FHOD3: variants seen among roughly 807,000 people sequenced by gnomAD.
FHOD3 encodes the protein FH1/FH2 domain-containing protein 3.
Under a neutral mutation model 173.0 loss-of-function variants are expected in FHOD3, and 90 were observed. The observed-to-expected ratio is 0.52, with a 90% confidence interval of 0.44 to 0.62. FHOD3 has a LOEUF of 0.62. Among genes scored for constraint, FHOD3 ranks in the 20% least tolerant of loss-of-function variants. FHOD3 has a pLI of 0.00. For missense variants in FHOD3, 1,945 were observed against 2,034.7 expected, an observed-to-expected ratio of 0.96 and a Z score of 0.85; for synonymous variants, 828 against 823.0, an observed-to-expected ratio of 1.01 and a Z score of -0.10.
chr18:36,338,242 T>C (rs973370824), intron 1 of FHOD3, among the ~76,000 whole-genome samples: 3 of 152,186 alleles, frequency 2.0e-5, no homozygotes, highest in Admixed American at 6.5e-5. Context: ...GGTCCAGATA[T>C]GTAGCAGAAA....
intron 20 of FHOD3, among the ~76,000 whole-genome samples, chr18:36,734,107 T>C (rs1357299160): frequency 6.6e-6 from 1 of 152,170 alleles, no homozygotes; most frequent in Non-Finnish European, 1.5e-5. Flanking sequence ...CAGGAGTAGC[T>C]GACTTACAGA....
At chr18:36,532,893 G>A (rs1485270500) in intron 5 of FHOD3, among the ~76,000 whole-genome samples, 2 of 152,244 alleles carry the variant, frequency 1.3e-5, no homozygotes, top group African/African-American at 4.8e-5. Flanking sequence ...GTCTCGTTGT[G>A]TCATTCAAGG....
chr18:36,610,538 A>G (rs2032565958), intron 8 of FHOD3, among the ~76,000 whole-genome samples: 1 of 152,162 alleles, frequency 6.6e-6, no homozygotes, highest in African/African-American at 2.4e-5. Context: ...TTGTGTCCTT[A>G]TCGGGGCCTT....
chr18:36,397,638 A>C (rs2048616139), intron 3 of FHOD3, among the ~76,000 whole-genome samples: 1 of 152,178 alleles, frequency 6.6e-6, no homozygotes, highest in Non-Finnish European at 1.5e-5. Context: ...TCCTGTCTTT[A>C]TTGGTGATTT....
chr18:36,763,420 AAT>A (rs1378853170), intron 27 of FHOD3, among the ~76,000 whole-genome samples: 1 of 147,990 alleles, frequency 6.8e-6, no homozygotes, highest in African/African-American at 2.5e-5. Context: ...CGTTATATAT[AAT>A]ATGCGTATTA....
At chr18:36,682,218 G>T (rs2038296773) in intron 15 of FHOD3, among the ~76,000 whole-genome samples, 1 of 152,048 alleles carries the variant, frequency 6.6e-6, no homozygotes, top group South Asian at 2.1e-4. Context: ...ACATTCTCCA[G>T]GTCATCCTCC....
At position 36,450,999 on chromosome 18, in the gene FHOD3, T is replaced by C. The variant is rs143274870; in HGVS notation, c.338-50933T>C. 7.2e-4 allele frequency among the ~76,000 whole-genome samples: 109 copies of C among 152,370 alleles called. No individual in the cohort carries two copies. The East Asian group carries it at 0.021, about 29-fold the overall frequency. ...CAGAATAATTGGTAATCATGTCTGTTCGTTATTTATTCCTACTACAGTAGT... is the reference window on the plus strand; with the variant it reads ...CAGAATAATTGGTAATCATGTCTGTCCGTTATTTATTCCTACTACAGTAGT... On this transcript the variant is annotated intron_variant, in intron 3 of 28. Coordinates refer to ENST00000590592, the MANE Select transcript of FHOD3 (RefSeq NM_001281740.3).
At chr18:36,658,262 A>C in intron 14 of FHOD3, 74 bp downstream of exon 14, 1 of 988,532 alleles carries the variant, frequency 1.0e-6, no homozygotes, top group Non-Finnish European at 1.5e-6. Context: ...GTGTGGTTAA[A>C]GGAAAAATAT....
At position 36,718,065 on chromosome 18, in the gene FHOD3, G is replaced by A; in HGVS notation, c.2767G>A (p.Val923Ile). 6.3e-7 allele frequency: 1 copy of A among 1,599,508 alleles called. No homozygotes were observed. Among genetic ancestry groups the A allele is most frequent in the Non-Finnish European group, 8.5e-7 (1 of 1,172,076 alleles). Residue 923 changes from valine to isoleucine, a missense_variant, in exon 19 of 29, where the codon GTC becomes ATC. Around this residue, in one of 5 missense-constraint regions of FHOD3, gnomAD observed 1,099 missense variants for 1,051.2 expected, o/e 1.05. Coordinates refer to ENST00000590592, the MANE Select transcript of FHOD3 (RefSeq NM_001281740.3). ...QANSQTQDES[V>I]RRVDVGCLDN... ...CAACTCTCAGACCCAGGATGAGAGTGTCAGGAGGGTGGATGTCGGCTGTTT... is the reference window on the plus strand; with the variant it reads ...CAACTCTCAGACCCAGGATGAGAGTATCAGGAGGGTGGATGTCGGCTGTTT...
Position 36,775,974 on chromosome 18 carries a change from T to C in FHOD3, c.4787-3474T>C, listed in dbSNP as rs143321162. Among the ~76,000 whole-genome samples the C allele has an allele frequency of 8.0e-3, 1,215 of 152,284 alleles. 14 individuals carry two copies. Among genetic ancestry groups the C allele is most frequent in the Non-Finnish European group, 0.014 (920 of 68,024 alleles). ...GGGAAAGGCTGGAGAGCAGCTTTGA[T>C]TCAGCTGGAGCATTTGAGTGGGAAG... On this transcript the variant is annotated intron_variant, in intron 28 of 28. Transcript: ENST00000590592.
chr18:36,668,800 T>G (rs896462582), intron 14 of FHOD3, among the ~76,000 whole-genome samples: 7 of 152,100 alleles, frequency 4.6e-5, no homozygotes, highest in Non-Finnish European at 1.0e-4. Flanking sequence ...CCAACTATCT[T>G]TCTGTTACTG....
At chr18:36,594,143 A>G (rs1232187435) in intron 6 of FHOD3, among the ~76,000 whole-genome samples, 3 of 152,076 alleles carry the variant, frequency 2.0e-5, no homozygotes, top group Non-Finnish European at 2.9e-5. Flanking sequence ...GTAGGTGAAT[A>G]ACCTGTGACC....
chr18:36,356,678 C>T (rs2046376521), intron 2 of FHOD3, among the ~76,000 whole-genome samples: 1 of 152,026 alleles, frequency 6.6e-6, no homozygotes, highest in Non-Finnish European at 1.5e-5. Context: ...CTCTGTCACC[C>T]AGGCTGGAGT....
chr18:36,694,293 A>G (rs1328433921), intron 17 of FHOD3, among the ~76,000 whole-genome samples: 1 of 152,226 alleles, frequency 6.6e-6, no homozygotes. Flanking sequence ...ATAAAGTTTA[A>G]TTTAAACAAG....
At chr18:36,582,968 G>A (rs1034634337) in intron 6 of FHOD3, among the ~76,000 whole-genome samples, 2 of 152,146 alleles carry the variant, frequency 1.3e-5, no homozygotes, top group Non-Finnish European at 2.9e-5. Flanking sequence ...TTGATTGTGG[G>A]CCAGAGTTCC....
Position 36,612,108 on chromosome 18 carries a change from G to C in FHOD3, c.957+13G>C. Reference sequence around the variant, plus strand: ...CAACATTTATGAGGTACCAGACCATGCCTTTTGTAAGGTATCGTACAGCTT... The same window carrying C: ...CAACATTTATGAGGTACCAGACCATCCCTTTTGTAAGGTATCGTACAGCTT... On this transcript the variant is annotated intron_variant, in intron 9 of 28. Coordinates refer to ENST00000590592, the MANE Select transcript of FHOD3 (RefSeq NM_001281740.3). The C allele has an allele frequency of 6.2e-7, 1 of 1,611,670 alleles. No homozygotes were observed. Among genetic ancestry groups the C allele is most frequent in the Non-Finnish European group, 8.5e-7 (1 of 1,179,100 alleles).
chr18:36,664,976 G>T (rs1314170698), intron 14 of FHOD3, among the ~76,000 whole-genome samples: 1 of 152,114 alleles, frequency 6.6e-6, no homozygotes, highest in Non-Finnish European at 1.5e-5. Context: ...GCCCATGGTT[G>T]CAGCTACTCA....
At chr18:36,599,989 G>C (rs529013957) in intron 7 of FHOD3, among the ~76,000 whole-genome samples, 2 of 152,158 alleles carry the variant, frequency 1.3e-5, no homozygotes, top group East Asian at 3.9e-4. Flanking sequence ...AGTGGAGTTG[G>C]AGAGAGACAG....
intron 20 of FHOD3, 123 bp from the exon 21 acceptor site, chr18:36,740,533 A>G (rs2041851939): frequency 2.0e-6 from 2 of 1,005,484 alleles, no homozygotes; most frequent in Non-Finnish European, 2.9e-6. Flanking sequence ...TTATGACAAT[A>G]TAACACCTGT....
Sources: allele counts gnomAD v4.1 joint callset (sites outside exome capture counted in the v4.1 genomes callset), GRCh38; gene constraint gnomAD v4.1.1; regional missense constraint gnomAD v4.1.1; transcripts MANE v1.5; gene names NCBI Gene and HGNC (gene_info 2026-07-23, HGNC 2026-07-21).